PTPRM: variants seen among roughly 807,000 people sequenced by gnomAD.
PTPRM encodes receptor-type tyrosine-protein phosphatase mu.
PTPRM carries 47 observed loss-of-function variants against 186.7 expected under a neutral mutation model. The ratio of observed to expected loss-of-function variants is 0.25; its 90% CI spans 0.20 to 0.32. The LOEUF (loss-of-function observed/expected upper bound fraction) is 0.32. Ranked by LOEUF, PTPRM falls within the 10% of genes least tolerant of loss-of-function variation. The pLI is 1.00. For synonymous variants in PTPRM, 668 were observed against 674.9 expected (o/e 0.99, Z 0.16); for missense variants, 1,494 against 1,865.0 (o/e 0.80, Z 3.66).
chr18:7,960,480 T>TATATATATACACACACACACACAC (rs1300573371), intron 7 of PTPRM, among the ~76,000 whole-genome samples: 1 of 86,600 alleles, frequency 1.2e-5, no homozygotes, highest in African/African-American at 4.4e-5. Context: ...TATATATATA[T>TATATATATACACACACACACACAC]ACACACACAC....
intron 7 of PTPRM, among the ~76,000 whole-genome samples, chr18:8,030,312 A>G (rs1219975741): frequency 6.6e-6 from 1 of 152,198 alleles, no homozygotes; most frequent in Non-Finnish European, 1.5e-5. Flanking sequence ...TAAGCTGGGT[A>G]ACAAGTAATT....
At chr18:7,875,600 C>G (rs1402852724) in intron 2 of PTPRM, among the ~76,000 whole-genome samples, 1 of 152,030 alleles carries the variant, frequency 6.6e-6, no homozygotes, top group Non-Finnish European at 1.5e-5. Flanking sequence ...CTGGGATTAC[C>G]GGCGTGAGCC....
chr18:8,398,913 G>T (rs1032685543), intron 32 of PTPRM, among the ~76,000 whole-genome samples: 1 of 152,142 alleles, frequency 6.6e-6, no homozygotes, highest in Non-Finnish European at 1.5e-5. Context: ...GGAGATGGGG[G>T]TGACTGCTGA....
At chr18:8,394,774 C>T (rs896793331) in intron 32 of PTPRM, among the ~76,000 whole-genome samples, 163 bp downstream of exon 32, 11 of 152,120 alleles carry the variant, frequency 7.2e-5, no homozygotes, top group African/African-American at 2.7e-4. Flanking sequence ...CTTTCTTGTT[C>T]TCCCTCTTCC....
chr18:8,167,938 G>A (rs1226623964), intron 14 of PTPRM, among the ~76,000 whole-genome samples: 1 of 152,206 alleles, frequency 6.6e-6, no homozygotes, highest in African/African-American at 2.4e-5. Flanking sequence ...GTTGCACCTT[G>A]CCATTTTGGC....
At chr18:8,323,665 C>A (rs865882347) in intron 22 of PTPRM, among the ~76,000 whole-genome samples, 3 of 152,096 alleles carry the variant, frequency 2.0e-5, no homozygotes, top group East Asian at 1.9e-4. Flanking sequence ...TATATAGTTT[C>A]TTTTTGTCTC....
At chr18:7,875,226 A>G (rs2048178624) in intron 2 of PTPRM, among the ~76,000 whole-genome samples, 1 of 152,148 alleles carries the variant, frequency 6.6e-6, no homozygotes, top group South Asian at 2.1e-4. Context: ...TTCTTTACAA[A>G]TGATAAGTGA....
At chr18:7,775,115 A>C (rs2144984615) in intron 2 of PTPRM, among the ~76,000 whole-genome samples, 1 of 152,374 alleles carries the variant, frequency 6.6e-6, no homozygotes. Context: ...ACACTTAGTA[A>C]GTAATCTTGT....
intron 5 of PTPRM, among the ~76,000 whole-genome samples, chr18:7,934,607 TGAAATAAA>T (rs2051690704): frequency 6.6e-6 from 1 of 152,228 alleles, no homozygotes; most frequent in Non-Finnish European, 1.5e-5. Context: ...CAGGTGTGTT[TGAAATAAA>T]GTAATTGCAG....
intron 1 of PTPRM, among the ~76,000 whole-genome samples, chr18:7,584,843 AT>A (rs1299277415): frequency 6.6e-6 from 1 of 152,222 alleles, no homozygotes; most frequent in East Asian, 1.9e-4. Context: ...GTGAGTACCC[AT>A]TTATAAGTCC....
rs1485032311 is a variant in PTPRM, at chr18:7,688,160, C to CT, written c.74-85988dup. On this transcript the variant is annotated intron_variant, in intron 1 of 32. Coordinates refer to ENST00000580170, the MANE Select transcript of PTPRM (RefSeq NM_001105244.2). ...ATATGGCATCATATTTTGTCACACT[C>CT]TCACGTATCTGCTAGTGTAAGCTAC... Among the ~76,000 whole-genome samples the CT allele has an allele frequency of 2.0e-5, 3 of 152,148 alleles. No homozygotes were observed. In the East Asian group the frequency reaches 5.8e-4, roughly 29 times the overall value.
rs535414022 is a variant in PTPRM at position 7,871,413 on chromosome 18, C to T, written c.197-16693C>T. On this transcript the variant is annotated intron_variant, in intron 2 of 32. Coordinates refer to ENST00000580170, the MANE Select transcript of PTPRM (RefSeq NM_001105244.2). ...TGTTTTCTGCGGTGCCATTCTGTCACTTTGGCATTTGAATATGTCTGACAT... is the reference window on the plus strand; with the variant it reads ...TGTTTTCTGCGGTGCCATTCTGTCATTTTGGCATTTGAATATGTCTGACAT... Among the ~76,000 whole-genome samples, 3 of 152,286 alleles carry T rather than the reference C, an allele frequency of 2.0e-5. No individual in the cohort carries two copies. The South Asian group carries it at 6.2e-4, about 32-fold the overall frequency.
chr18:7,619,242 C>T (rs987198917), intron 1 of PTPRM, among the ~76,000 whole-genome samples: 4 of 152,134 alleles, frequency 2.6e-5, no homozygotes, highest in African/African-American at 9.7e-5. Flanking sequence ...TTGAGAGTAT[C>T]TAAAAGCTTG....
intron 1 of PTPRM, among the ~76,000 whole-genome samples, chr18:7,731,956 G>T (rs557380743): frequency 6.6e-6 from 1 of 152,166 alleles, no homozygotes; most frequent in African/African-American, 2.4e-5. Context: ...GCAGAAGCAA[G>T]AAAAAATTAA....
intron 13 of PTPRM, among the ~76,000 whole-genome samples, chr18:8,132,570 C>T (rs2092537577): frequency 6.6e-6 from 1 of 151,870 alleles, no homozygotes; most frequent in African/African-American, 2.4e-5. Flanking sequence ...TCTGAAGAGC[C>T]CCAGACCATT....
intron 22 of PTPRM, among the ~76,000 whole-genome samples, chr18:8,341,811 GA>G (rs1439588175): frequency 2.6e-5 from 4 of 152,172 alleles, no homozygotes; most frequent in Admixed American, 2.6e-4. Context: ...CTGCAAGCCA[GA>G]ACTGTAGTGA....
intron 14 of PTPRM, among the ~76,000 whole-genome samples, chr18:8,150,506 A>T (rs962913770): frequency 2.6e-5 from 4 of 151,988 alleles, no homozygotes; most frequent in Non-Finnish European, 4.4e-5. Context: ...GAGGTCATTT[A>T]TGTTCTTCTC....
At chr18:7,756,088 C>G (rs936538071) in intron 1 of PTPRM, among the ~76,000 whole-genome samples, 1 of 152,154 alleles carries the variant, frequency 6.6e-6, no homozygotes. Flanking sequence ...TTAATTTCCT[C>G]TCTAGTACAG....
At chr18:7,866,563 G>T (rs76890489) in intron 2 of PTPRM, among the ~76,000 whole-genome samples, 1 of 152,132 alleles carries the variant, frequency 6.6e-6, no homozygotes, top group African/African-American at 2.4e-5. Flanking sequence ...TGTTTGTTAT[G>T]ATTTCCGTTC....
Sources: allele counts gnomAD v4.1 joint callset (sites outside exome capture counted in the v4.1 genomes callset), GRCh38; gene constraint gnomAD v4.1.1; transcripts MANE v1.5; gene names NCBI Gene and HGNC (gene_info 2026-07-23, HGNC 2026-07-21).